MEIS2: variants seen among roughly 807,000 people sequenced by gnomAD.
The protein encoded by MEIS2 is Meis homeobox 2.
MEIS2 carries 9 observed loss-of-function variants against 58.6 expected under a neutral mutation model. That is an observed-to-expected ratio of 0.15 (90% CI 0.09 to 0.27). The LOEUF (loss-of-function observed/expected upper bound fraction) is 0.27. Among genes scored for constraint, MEIS2 ranks in the 10% least tolerant of loss-of-function variants. The pLI, the probability that MEIS2 is intolerant of heterozygous loss-of-function variation, is 1.00. For missense variants in MEIS2, 427 were observed against 635.0 expected (o/e 0.67, Z 3.52); for synonymous variants, 221 against 228.4 (o/e 0.97, Z 0.29).
At chr15:36,935,652 A>G (rs974284865) in intron 9 of MEIS2, among the ~76,000 whole-genome samples, 26 of 152,166 alleles carry the variant, frequency 1.7e-4, no homozygotes, top group African/African-American at 6.3e-4. Context: ...TTTCTGAGAT[A>G]ATTTAACAAT....
intron 7 of MEIS2, among the ~76,000 whole-genome samples, chr15:37,039,997 T>C (rs2062347835): frequency 6.6e-6 from 1 of 150,934 alleles, no homozygotes; most frequent in Non-Finnish European, 1.5e-5. Context: ...CAACCTAAAA[T>C]AAAATTTTGC....
chr15:36,984,995 G>A (rs967061592), intron 8 of MEIS2, among the ~76,000 whole-genome samples: 1 of 152,036 alleles, frequency 6.6e-6, no homozygotes, highest in East Asian at 1.9e-4. Context: ...CTGAAGGTTT[G>A]TCAATTTTGT....
At chr15:36,971,047 A>C (rs376743774) in intron 8 of MEIS2, among the ~76,000 whole-genome samples, 5 of 149,130 alleles carry the variant, frequency 3.4e-5, no homozygotes, top group South Asian at 2.1e-4. Flanking sequence ...GAAAAAAAAA[A>C]CCCTCTGAAA....
chr15:37,015,573 G>A (rs1199923985), intron 8 of MEIS2, among the ~76,000 whole-genome samples: 1 of 151,398 alleles, frequency 6.6e-6, no homozygotes, highest in Non-Finnish European at 1.5e-5. Flanking sequence ...GTCAGGGAGG[G>A]CAGATTTGAG....
intron 8 of MEIS2, among the ~76,000 whole-genome samples, chr15:36,968,984 C>T (rs796392205): frequency 5.3e-5 from 8 of 152,184 alleles, no homozygotes; most frequent in Admixed American, 2.6e-4. Context: ...CATCTTGAAA[C>T]GTAAACCGGC....
intron 7 of MEIS2, among the ~76,000 whole-genome samples, chr15:37,073,134 C>T (rs1053156629): frequency 6.6e-6 from 1 of 152,064 alleles, no homozygotes; most frequent in African/African-American, 2.4e-5. Context: ...CACTATTAGT[C>T]AGTCACCAAA....
chr15:37,033,482 G>A (rs781750096), intron 8 of MEIS2, among the ~76,000 whole-genome samples: 1 of 151,968 alleles, frequency 6.6e-6, no homozygotes, highest in Non-Finnish European at 1.5e-5. Flanking sequence ...GGTACATCGG[G>A]GATTATTGTA....
chr15:37,042,045 G>T (rs749851084), intron 7 of MEIS2, among the ~76,000 whole-genome samples: 1 of 151,928 alleles, frequency 6.6e-6, no homozygotes, highest in Non-Finnish European at 1.5e-5. Context: ...GGTGAGCACC[G>T]CAGATTGAGG....
chr15:36,957,156 T>A (rs1184254362), intron 8 of MEIS2, among the ~76,000 whole-genome samples: 2 of 152,122 alleles, frequency 1.3e-5, no homozygotes, highest in African/African-American at 4.8e-5. Context: ...TGTATCTAAA[T>A]TCGAAAAGCA....
chr15:37,054,683 T>C (rs2063063469), intron 7 of MEIS2, among the ~76,000 whole-genome samples: 1 of 152,186 alleles, frequency 6.6e-6, no homozygotes, highest in Non-Finnish European at 1.5e-5. Context: ...CCTCCCAAAG[T>C]GCTAAGATTA....
At chr15:36,921,761 A>G (rs918118058) in intron 9 of MEIS2, among the ~76,000 whole-genome samples, 1 of 151,386 alleles carries the variant, frequency 6.6e-6, no homozygotes, top group South Asian at 2.1e-4. Context: ...TCCTGTCAAG[A>G]TGACTACATT....
intron 9 of MEIS2, among the ~76,000 whole-genome samples, chr15:36,901,573 A>C (rs2056474968): frequency 6.6e-6 from 1 of 152,140 alleles, no homozygotes. Flanking sequence ...TTAGGGACAG[A>C]CTCATGGATC....
rs138356021 is a variant in MEIS2, at chr15:37,027,603, C to T, written c.900+9211G>A. Among the ~76,000 whole-genome samples, 418 of 152,256 alleles carry T rather than the reference C, an allele frequency of 2.7e-3. 3 individuals are homozygous for T. The highest frequency in any genetic ancestry group is 9.6e-3 in the African/African-American group (398 of 41,540). The stretch of plus-strand genomic sequence containing the variant: ...CCTTTATTCAAGGGTCCTCAATTCC[C>T]CATCTCCTTGAATTCTTTAACATAT... On this transcript the variant is annotated intron_variant, in intron 8 of 11. Coordinates refer to ENST00000561208, the MANE Select transcript of MEIS2 (RefSeq NM_170675.5).
intron 9 of MEIS2, among the ~76,000 whole-genome samples, chr15:36,904,638 C>CTTT (rs55954977): frequency 1.5e-5 from 2 of 129,054 alleles, no homozygotes; most frequent in South Asian, 4.9e-4. Flanking sequence ...ACATTTTCTT[C>CTTT]TTTTTTTTTT....
chr15:36,990,011 C>T (rs2060216923), intron 8 of MEIS2, among the ~76,000 whole-genome samples: 1 of 152,152 alleles, frequency 6.6e-6, no homozygotes, highest in South Asian at 2.1e-4. Context: ...GTGGCACAAT[C>T]TCGGCTAACT....
At chr15:37,030,361 A>AT (rs956838508) in intron 8 of MEIS2, among the ~76,000 whole-genome samples, 13 of 149,936 alleles carry the variant, frequency 8.7e-5, no homozygotes, top group East Asian at 2.0e-4. Flanking sequence ...GGGTATTTCC[A>AT]TTTTTTTTTC....
At chr15:36,948,126 G>A (rs1203886145) in intron 9 of MEIS2, among the ~76,000 whole-genome samples, 1 of 151,942 alleles carries the variant, frequency 6.6e-6, no homozygotes, top group Non-Finnish European at 1.5e-5. Flanking sequence ...TCTGAAGGAA[G>A]TGTGAAAATT....
chr15:36,971,552 A>AAAAAAAAAAAAAG lies in MEIS2; in HGVS notation c.901-21165_901-21153dup, dbSNP rs1199657880. Among the ~76,000 whole-genome samples the AAAAAAAAAAAAAG allele has an allele frequency of 4.8e-5, 7 of 146,490 alleles. 1 individual carries two copies. The highest frequency in any genetic ancestry group is 1.5e-4 in the African/African-American group (6 of 39,692). On this transcript the variant is annotated intron_variant, in intron 8 of 11. Transcript: ENST00000561208. ...CTTGTTACATTAAAAAAAAAAAAAA[A>AAAAAAAAAAAAAG]AAAAAAAAAAAAGGGCTGTTCCAGT... is the stretch of plus-strand genomic sequence containing the variant.
chr15:37,071,935 C>T (rs1890764208), intron 7 of MEIS2, among the ~76,000 whole-genome samples: 1 of 152,072 alleles, frequency 6.6e-6, no homozygotes, highest in South Asian at 2.1e-4. Flanking sequence ...GGTAGATATG[C>T]ATACTTCAAA....
Sources: gnomAD v4.1 joint callset for allele counts (sites outside exome capture counted in the v4.1 genomes callset) on GRCh38, gnomAD v4.1.1 for gene constraint, MANE v1.5 for transcripts, NCBI Gene and HGNC (gene_info 2026-07-23, HGNC 2026-07-21) for gene names.